The following FN3KRP variants were observed in gnomAD, a reference collection of about 807,000 sequenced individuals.
FN3KRP encodes fructosamine 3 kinase related protein, also known as ketosamine-3-kinase.
FN3KRP carries 33 observed loss-of-function variants against 29.8 expected under a neutral mutation model. The observed-to-expected ratio is 1.11, with a 90% CI of 0.84 to 1.48. The LOEUF is 1.48. FN3KRP is among the 40% of genes most tolerant of loss of function. The probability of loss-of-function intolerance (pLI) is 0.00; values close to 1 mark genes in which losing one functional copy is unlikely to be tolerated. For missense variants in FN3KRP, 430 were observed against 402.6 expected, an observed-to-expected ratio of 1.07 and a Z score of -0.58; for synonymous variants, 157 against 155.2, an observed-to-expected ratio of 1.01 and a Z score of -0.09.
chr17:82,719,165 A>C, intron 2 of FN3KRP, 108 bp downstream of exon 2: 1 of 1,078,956 alleles, frequency 9.3e-7, no homozygotes, highest in Non-Finnish European at 1.4e-6. Flanking sequence ...TGGCTTTATT[A>C]TCTGAGCAGG....
At chr17:82,718,698 T>C (rs2046776909) in intron 1 of FN3KRP, 2 of 1,247,728 alleles carry the variant, frequency 1.6e-6, no homozygotes, top group South Asian at 3.4e-5. Flanking sequence ...ACTGGAAAGC[T>C]CAAGCCCTCT....
chr17:82,719,947 T>G (rs753216751), intron 2 of FN3KRP, among the ~76,000 whole-genome samples: 105 of 152,282 alleles, frequency 6.9e-4, no homozygotes, highest in Non-Finnish European at 1.2e-3. Context: ...GGCGGATGAC[T>G]TGAGGTCAGA....
chr17:82,716,945 G>A, intron 1 of FN3KRP, 49 bp downstream of exon 1: 1 of 1,541,478 alleles, frequency 6.5e-7, no homozygotes, highest in Non-Finnish European at 8.7e-7. Context: ...TTTCCGGAGA[G>A]GGTCGCGGGC....
At chr17:82,718,402 G>A (rs1021320467) in intron 1 of FN3KRP, 1 of 987,838 alleles carries the variant, frequency 1.0e-6, no homozygotes, top group African/African-American at 1.7e-5. Flanking sequence ...GTGGTTTCCA[G>A]TGCTGGGCAG....
At chr17:82,720,567 G>T (rs1024682153) in intron 3 of FN3KRP, among the ~76,000 whole-genome samples, 2 of 152,224 alleles carry the variant, frequency 1.3e-5, no homozygotes, top group African/African-American at 4.8e-5. Flanking sequence ...AAATGCATTT[G>T]AAAGATGAAA....
intron 4 of FN3KRP, among the ~76,000 whole-genome samples, chr17:82,724,261 T>C (rs1256030224): frequency 6.6e-6 from 1 of 151,986 alleles, no homozygotes; most frequent in Admixed American, 6.6e-5. Flanking sequence ...ACCACTGCAC[T>C]CCAGCTTGGG....
chr17:82,717,419 T>TC (rs2143603042), intron 1 of FN3KRP, among the ~76,000 whole-genome samples: 1 of 152,214 alleles, frequency 6.6e-6, no homozygotes, highest in South Asian at 2.1e-4. Context: ...GCTCTGTCCT[T>TC]CTGTTAGACT....
At chr17:82,722,951 G>T (rs1156466591) in intron 4 of FN3KRP, 65 bp downstream of exon 4, 13 of 1,386,552 alleles carry the variant, frequency 9.4e-6, no homozygotes, top group African/African-American at 1.4e-5. Context: ...CGGGTTGGGG[G>T]GACACACCCC....
At chr17:82,718,704 C>A in intron 1 of FN3KRP, 2 of 1,229,980 alleles carry the variant, frequency 1.6e-6, no homozygotes, top group Non-Finnish European at 2.2e-6. Flanking sequence ...AAGCTCAAGC[C>A]CTCTTCTTCC....
Position 82,727,165 on chromosome 17 carries a change from C to T in FN3KRP, c.924C>T (p.Val308=), listed in dbSNP as rs1395841918. 1.2e-6 allele frequency: 2 copies of T among 1,612,904 alleles called. No individual in the cohort carries two copies. The highest frequency in any genetic ancestry group is 1.1e-5 in the South Asian group (1 of 91,010). ...GSSLNIMRNL[V]K is the part of the protein sequence containing the mutation. ...CCCTGAACATCATGAGGAATCTGGT[C>T]AAGTGAGCGGGCCTTACTCTGGAAG... The change falls in exon 6 of 6, where the codon GTC becomes GTT. Residue 308 remains valine (V), a synonymous_variant. Coordinates refer to ENST00000269373, the MANE Select transcript of FN3KRP (RefSeq NM_024619.4).
At chr17:82,718,624 C>T (rs2046776463) in intron 1 of FN3KRP, 1 of 1,179,458 alleles carries the variant, frequency 8.5e-7, no homozygotes, top group Middle Eastern at 3.6e-4. Context: ...AATATTAGTG[C>T]CTTCGATTTT....
At chr17:82,723,572 TGC>T (rs1196165119) in intron 4 of FN3KRP, among the ~76,000 whole-genome samples, 3 of 144,824 alleles carry the variant, frequency 2.1e-5, no homozygotes, top group African/African-American at 5.8e-5. Context: ...TGTATGTGTG[TGC>T]ATGTGTGTGC....
intron 4 of FN3KRP, among the ~76,000 whole-genome samples, chr17:82,726,085 CAGG>C (rs1345971845): frequency 6.6e-6 from 1 of 152,060 alleles, no homozygotes; most frequent in East Asian, 1.9e-4. Context: ...GAGGCTGAGG[CAGG>C]AGAATTGCTT....
chr17:82,717,968 T>TGAG (rs2046770322), intron 1 of FN3KRP, among the ~76,000 whole-genome samples: 1 of 151,728 alleles, frequency 6.6e-6, no homozygotes, highest in Admixed American at 6.6e-5. Flanking sequence ...GAGCCCCAGG[T>TGAG]GAGGATGGGA....
rs779890434 is a variant in FN3KRP at position 82,716,776 on chromosome 17, C to A, written c.21C>A (p.Arg7=). The change falls in exon 1 of 6, where the codon CGC becomes CGA. Residue 7 remains arginine, a synonymous_variant. Transcript: ENST00000269373. ...GGAACATGGAGGAGCTCCTGAGGCG[C>A]GAGCTGGGCTGCAGCTCTGTCAGGG... is the stretch of plus-strand genomic sequence containing the variant. The part of the protein sequence containing the change: MEELLR[R]ELGCSSVRAT... The A allele has an allele frequency of 1.4e-4, 208 of 1,529,760 alleles. No homozygotes were observed. Among genetic ancestry groups the A allele is most frequent in the Non-Finnish European group, 1.8e-4 (203 of 1,146,580 alleles). The allele number at this position is 1,529,760 out of a possible 1,614,324, so 94.8% of individuals were successfully genotyped here. A position where few individuals can be genotyped will look rare whatever the true frequency, so the allele number is the denominator to read the frequency against.
chr17:82,718,381 C>T (rs910455080), intron 1 of FN3KRP: 17 of 987,148 alleles, frequency 1.7e-5, no homozygotes, highest in Non-Finnish European at 1.9e-5. Context: ...GAAACGGCAT[C>T]TCAAGATGAG....
chr17:82,720,314 T>A lies in FN3KRP; in HGVS notation c.336T>A (p.Leu112=). The A allele has an allele frequency of 6.2e-7, 1 of 1,614,044 alleles. No individual in the cohort carries two copies. The highest frequency in any genetic ancestry group is 8.5e-7 in the Non-Finnish European group (1 of 1,179,994). ...GAGCCCAGCTGGCCGATTTACACCT[T>A]GATAACAAGAAGCTTGGAGAGATGC... ...KLGAQLADLH[L]DNKKLGEMRL... is the part of the protein sequence containing the mutation. Residue 112 remains leucine, a synonymous_variant, in exon 3 of 6, where the codon CTT becomes CTA. Coordinates refer to ENST00000269373, the MANE Select transcript of FN3KRP (RefSeq NM_024619.4).
chr17:82,718,438 C>A (rs565648268), intron 1 of FN3KRP: 1 of 988,962 alleles, frequency 1.0e-6, no homozygotes, highest in East Asian at 1.1e-4. Flanking sequence ...TTGGTGGTCT[C>A]TTCAGGTGAA....
At chr17:82,725,458 A>G (rs2046830274) in intron 4 of FN3KRP, among the ~76,000 whole-genome samples, 1 of 151,650 alleles carries the variant, frequency 6.6e-6, no homozygotes, top group South Asian at 2.1e-4. Flanking sequence ...AATTTATTTA[A>G]TTTATTTTTT....
Sources: gnomAD v4.1 joint callset for allele counts (sites outside exome capture counted in the v4.1 genomes callset) on GRCh38, gnomAD v4.1.1 for gene constraint, MANE v1.5 for transcripts, NCBI Gene and HGNC (gene_info 2026-07-23, HGNC 2026-07-21) for gene names.